The following MAK variants were observed in gnomAD, a reference collection of about 807,000 sequenced individuals.
MAK encodes male germ cell associated kinase.
In MAK, 65 loss-of-function variants were observed where a neutral mutation model predicts 82.6. The observed-to-expected ratio is 0.79, with a 90% CI of 0.64 to 0.97. MAK has a LOEUF of 0.97. Among genes scored for constraint, MAK ranks in the 50% least tolerant of loss-of-function variants. The pLI is 0.00. For synonymous variants in MAK, 250 were observed against 274.2 expected, an observed-to-expected ratio of 0.91 and a Z score of 0.87; for missense variants, 703 against 780.2, an observed-to-expected ratio of 0.90 and a Z score of 1.18.
At chr6:10,805,638 TTTAA>T (rs1349921331) in intron 6 of MAK, among the ~76,000 whole-genome samples, 5 of 152,148 alleles carry the variant, frequency 3.3e-5, no homozygotes, top group Non-Finnish European at 7.3e-5. Context: ...AATTGTTTAC[TTTAA>T]TTAGCCTATG....
intron 2 of MAK, among the ~76,000 whole-genome samples, chr6:10,825,300 C>T (rs1251720481): frequency 1.3e-5 from 2 of 152,204 alleles, no homozygotes; most frequent in East Asian, 3.8e-4. Flanking sequence ...GGAATCATCA[C>T]ACTCCAGACT....
chr6:10,829,300 G>T (rs1490476620), intron 2 of MAK: 1 of 152,140 alleles, frequency 6.6e-6, no homozygotes, highest in African/African-American at 2.4e-5. Flanking sequence ...ATAAGTTCAG[G>T]AATATAACAT....
chr6:10,796,283 A>G lies in MAK; in HGVS notation c.858T>C (p.Val286=). 6.2e-7 allele frequency: 1 copy of G among 1,613,908 alleles called. No homozygotes were observed. Among genetic ancestry groups the G allele is most frequent in the South Asian group, 1.1e-5 (1 of 91,080 alleles). Residue 286 remains valine (V), a synonymous_variant, in exon 9 of 15, where the codon GTT becomes GTC. Transcript: ENST00000354489. ...SQALKHPYFQ[V]GQVLGPSSNH... ...TTGACGAAGGGCCTAATACCTGACC[A>G]ACTTGAAAATATGGGTGTTTCAATG...
intron 5 of MAK, 152 bp downstream of exon 5, chr6:10,813,492 A>C: frequency 1.7e-6 from 1 of 582,570 alleles, no homozygotes; most frequent in Non-Finnish European, 3.1e-6. Flanking sequence ...AAATTGATAA[A>C]GTTTTTAAAT....
chr6:10,791,608 A>G lies in MAK; in HGVS notation c.1316+67T>C, dbSNP rs999378537. The G allele has an allele frequency of 6.2e-6, 9 of 1,440,404 alleles. No homozygotes were observed. In the African/African-American group the frequency reaches 1.1e-4, roughly 18 times the overall value. The allele number at this position is 1,440,404 out of a possible 1,614,324, so 89.2% of individuals were successfully genotyped here. ...CTTCTTTTAGGGTCTACATGCATTT[A>G]TATTTAATGAGTAAAATAAAGTTAA... On this transcript the variant is annotated intron_variant, in intron 10 of 14. Coordinates refer to ENST00000354489, the MANE Select transcript of MAK (RefSeq NM_001242957.3).
At chr6:10,790,937 C>T (rs1292858249) in intron 10 of MAK, among the ~76,000 whole-genome samples, 2 of 151,964 alleles carry the variant, frequency 1.3e-5, no homozygotes, top group African/African-American at 4.8e-5. Context: ...AGTCTGGGAC[C>T]TCCTCCCTCT....
At chr6:10,819,893 A>G (rs1311828768) in intron 2 of MAK, among the ~76,000 whole-genome samples, 2 of 152,048 alleles carry the variant, frequency 1.3e-5, no homozygotes, top group Non-Finnish European at 2.9e-5. Context: ...CGGGTGGATC[A>G]TGAGGTCAGG....
chr6:10,813,113 TATATATATATATATATATATAAA>T (rs1406523973), intron 5 of MAK, among the ~76,000 whole-genome samples: 488 of 3,690 alleles, frequency 0.13, 72 homozygotes, highest in African/African-American at 0.23. Flanking sequence ...TATATATATA[TATATATATATATATATATATAAA>T]TTTTTTTTTT....
intron 11 of MAK, among the ~76,000 whole-genome samples, chr6:10,780,783 C>T (rs896606822): frequency 6.6e-6 from 1 of 152,280 alleles, no homozygotes; most frequent in East Asian, 1.9e-4. Context: ...AAACAAAAAA[C>T]ACAGTGAAAA....
At chr6:10,768,881 A>G (rs571149184) in intron 14 of MAK, among the ~76,000 whole-genome samples, 1 of 152,304 alleles carries the variant, frequency 6.6e-6, no homozygotes, top group African/African-American at 2.4e-5. Flanking sequence ...AGTGGTTAGG[A>G]TAGGCTGTGA....
Position 10,770,423 on chromosome 6 carries a change from A to G in MAK, c.1673-193T>C, listed in dbSNP as rs138192048. ...GCCCGCTTAGATCATATTAGTATCC[A>G]TATCGTGTGGCTCTCCAATGTTGAG... On this transcript the variant is annotated intron_variant, in intron 13 of 14. Coordinates refer to ENST00000354489, the MANE Select transcript of MAK (RefSeq NM_001242957.3). Among the ~76,000 whole-genome samples, 219 of 152,302 alleles carry G rather than the reference A, an allele frequency of 1.4e-3. 1 individual carries two copies. Among genetic ancestry groups the G allele is most frequent in the African/African-American group, 3.6e-3 (149 of 41,558 alleles).
rs938067891 is a variant in MAK, at chr6:10,830,732, T to C, written c.-84A>G. ...ATTTGAACGCTTCTTAATTTTTATTTGCTTTTGTCCTCACACTGTTGTTGC... is the reference window on the plus strand; with the variant it reads ...ATTTGAACGCTTCTTAATTTTTATTCGCTTTTGTCCTCACACTGTTGTTGC... On this transcript the variant is annotated 5_prime_UTR_variant, in exon 2 of 15. Coordinates refer to ENST00000354489, the MANE Select transcript of MAK (RefSeq NM_001242957.3). The C allele has an allele frequency of 4.6e-6, 5 of 1,078,270 alleles. No individual in the cohort carries two copies. The African/African-American group carries it at 6.2e-5, about 13-fold the overall frequency. The allele number at this position is 1,078,270 out of a possible 1,614,324, so 66.8% of individuals were successfully genotyped here.
intron 11 of MAK, among the ~76,000 whole-genome samples, chr6:10,777,352 C>T (rs1346107715): frequency 6.7e-6 from 1 of 150,112 alleles, no homozygotes; most frequent in Non-Finnish European, 1.5e-5. Flanking sequence ...GTGGAAGTTG[C>T]AATGAGCTGA....
rs202001756 is a variant in MAK at position 10,791,857 on chromosome 6, A to G, written c.1144-10T>C. On this transcript the variant is annotated splice_polypyrimidine_tract_variant and intron_variant, in intron 9 of 14. Transcript: ENST00000354489. Reference sequence around the variant, plus strand: ...GTGTGCCATTTGGCTTCTGTGGTGGAAAATCAGTCATCATAATCTTTAATC... The same window carrying G: ...GTGTGCCATTTGGCTTCTGTGGTGGGAAATCAGTCATCATAATCTTTAATC... The G allele has an allele frequency of 3.6e-5, 58 of 1,614,000 alleles. No homozygotes were observed. The African/African-American group carries it at 7.2e-4, about 20-fold the overall frequency.
intron 1 of MAK, among the ~76,000 whole-genome samples, chr6:10,831,500 C>T (rs1006827894): frequency 6.6e-6 from 1 of 151,980 alleles, no homozygotes; most frequent in Admixed American, 6.6e-5. Context: ...GCCTGTAATC[C>T]CAGTGATTTG....
intron 4 of MAK, among the ~76,000 whole-genome samples, chr6:10,814,382 G>A (rs550753594): frequency 1.3e-5 from 2 of 152,234 alleles, no homozygotes; most frequent in African/African-American, 4.8e-5. Context: ...AAGAATTTGA[G>A]AGATGGCCGG....
chr6:10,796,473 T>C (rs1176757949), intron 8 of MAK, among the ~76,000 whole-genome samples, 164 bp from the exon 9 acceptor site: 1 of 152,078 alleles, frequency 6.6e-6, no homozygotes, highest in Non-Finnish European at 1.5e-5. Flanking sequence ...TTTTAAAAGA[T>C]AACCAGAAAA....
Position 10,770,180 on chromosome 6 carries a change from A to T in MAK, c.1723T>A (p.Phe575Ile). The T allele has an allele frequency of 6.2e-7, 1 of 1,614,188 alleles. No homozygotes were observed. Among genetic ancestry groups the T allele is most frequent in the Non-Finnish European group, 8.5e-7 (1 of 1,180,020 alleles). The change falls in exon 14 of 15, where the codon TTT becomes ATT. Residue 575 changes from phenylalanine to isoleucine, a missense_variant. Physicochemically the swap from Phe to Ile is conservative, Grantham distance 21 (BLOSUM62 0). Coordinates refer to ENST00000354489, the MANE Select transcript of MAK (RefSeq NM_001242957.3). The stretch of plus-strand genomic sequence containing the variant: ...GCTGACTGCACTTCTTTTTTGAGAA[A>T]GGAAGGAATATATCCTGACTGATTG... ...TYNQSGYIPS[F>I]LKKEVQSAGQ...
At chr6:10,812,690 G>C (rs1777038084) in intron 5 of MAK, among the ~76,000 whole-genome samples, 1 of 151,818 alleles carries the variant, frequency 6.6e-6, no homozygotes, top group Non-Finnish European at 1.5e-5. Flanking sequence ...TGATGACTGA[G>C]ACTAAAGGCT....
Sources: gnomAD v4.1 joint callset for allele counts (sites outside exome capture counted in the v4.1 genomes callset) on GRCh38, gnomAD v4.1.1 for gene constraint, MANE v1.5 for transcripts, NCBI Gene and HGNC (gene_info 2026-07-23, HGNC 2026-07-21) for gene names.